Variants in PIEZO2 observed in about 807,000 individuals in gnomAD.
PIEZO2 encodes the protein piezo-type mechanosensitive ion channel component 2.
Under a neutral mutation model 337.3 loss-of-function variants are expected in PIEZO2, and 172 were observed. The observed-to-expected ratio is 0.51, with a 90% CI of 0.45 to 0.58. PIEZO2 has a LOEUF of 0.58. PIEZO2 is among the 20% of genes least tolerant of loss of function. PIEZO2 has a pLI of 0.00. For synonymous variants in PIEZO2, 1,251 were observed against 1,228.5 expected (o/e 1.02, Z -0.38); for missense variants, 3,028 against 3,391.3 (o/e 0.89, Z 2.66).
Position 10,689,706 on chromosome 18 carries a change from C to T in PIEZO2, c.7446G>A (p.Glu2482=), listed in dbSNP as rs2143607035. 1 of 1,614,230 alleles carries T rather than the reference C, an allele frequency of 6.2e-7. No individual in the cohort carries two copies. The highest frequency in any genetic ancestry group is 2.2e-5 in the East Asian group (1 of 44,892). ...GGATGAATATGTGAGCATAGATGTC[C>T]TCCACACAGATCCAGCTGGACAGGC... ...TLSLSSWICV[E]DIYAHIFILK... Residue 2482 remains glutamate, a synonymous_variant, in exon 49 of 56, where the codon GAG becomes GAA. Coordinates refer to ENST00000674853, the MANE Select transcript of PIEZO2 (RefSeq NM_001378183.1).
At chr18:11,085,141 G>A (rs1204236352) in intron 1 of PIEZO2, among the ~76,000 whole-genome samples, 1 of 152,162 alleles carries the variant, frequency 6.6e-6, no homozygotes, top group Non-Finnish European at 1.5e-5. Context: ...AGGACTCAGA[G>A]AGGATAAATA....
At chr18:10,675,075 G>A (rs187827025) in intron 54 of PIEZO2, 134 bp downstream of exon 54, 169 of 539,764 alleles carry the variant, frequency 3.1e-4, no homozygotes, top group Non-Finnish European at 4.9e-4. Context: ...GGCTGTCAGG[G>A]GTTTCATATA....
chr18:10,858,328 A>ACCCC lies in PIEZO2; in HGVS notation c.493-1118_493-1117insGGGG, dbSNP rs1344898862. 7.3e-3 allele frequency among the ~76,000 whole-genome samples: 980 copies of ACCCC among 134,206 alleles called. 18 individuals are homozygous for ACCCC. Among genetic ancestry groups the ACCCC allele is most frequent in the African/African-American group, 0.028 (925 of 33,124 alleles). 88.0% of individuals were successfully genotyped at this position (134,206 alleles called of 152,430 possible). A position where few individuals can be genotyped will look rare whatever the true frequency, so the allele number is the denominator to read the frequency against. On this transcript the variant is annotated intron_variant, in intron 5 of 55. Transcript: ENST00000674853. ...CAGAGCGAGACTTCAACCCAAAAAA[A>ACCCC]AAAAAAAAAAAAAAAAAAAGAAAAG...
At chr18:11,124,057 A>C (rs981524247) in intron 1 of PIEZO2, among the ~76,000 whole-genome samples, 2 of 152,254 alleles carry the variant, frequency 1.3e-5, no homozygotes, top group African/African-American at 4.8e-5. Context: ...TTACTTGTCA[A>C]TTAAAATAAA....
chr18:10,765,947 C>T (rs2038336152), intron 21 of PIEZO2, among the ~76,000 whole-genome samples: 1 of 152,054 alleles, frequency 6.6e-6, no homozygotes, highest in African/African-American at 2.4e-5. Context: ...GCTTCAATGA[C>T]AAGGAAAGGA....
intron 2 of PIEZO2, among the ~76,000 whole-genome samples, chr18:11,006,329 T>C (rs2035718272): frequency 1.3e-5 from 2 of 152,328 alleles, no homozygotes; most frequent in Admixed American, 6.5e-5. Context: ...CAGCATACAA[T>C]AAATATTGAT....
At chr18:10,907,390 C>G (rs1476673631) in intron 4 of PIEZO2, among the ~76,000 whole-genome samples, 2 of 151,570 alleles carry the variant, frequency 1.3e-5, no homozygotes, top group East Asian at 3.9e-4. Context: ...TTGCAGTGAG[C>G]TGAGATCACG....
chr18:10,726,733 C>G lies in PIEZO2; in HGVS notation c.5029+4674G>C, dbSNP rs138220224. ...CGGCATCCTGTGCATTCTGGGACAT[C>G]GCCAGACCATCGATTTCCCGCTGCT... is the stretch of plus-strand genomic sequence containing the variant. On this transcript the variant is annotated intron_variant, in intron 36 of 55. Transcript: ENST00000674853. This position sits in a 1 kb window ranked among gnomAD's most constrained non-coding sequence, Gnocchi z 5.9. The G allele has an allele frequency of 1.4e-6, 2 of 1,449,226 alleles. No individual in the cohort carries two copies. Among genetic ancestry groups the G allele is most frequent in the African/African-American group, 2.8e-5 (2 of 70,992 alleles). The allele number at this position is 1,449,226 out of a possible 1,614,324, so 89.8% of individuals were successfully genotyped here. A position where few individuals can be genotyped will look rare whatever the true frequency, so the allele number is the denominator to read the frequency against.
At chr18:10,791,488 T>C (rs1209575941) in intron 13 of PIEZO2, 164 bp from the exon 14 acceptor site, 3 of 680,224 alleles carry the variant, frequency 4.4e-6, no homozygotes, top group East Asian at 4.2e-5. Flanking sequence ...TGAGATTCAC[T>C]GCTTTTAAGT....
At position 10,859,750 on chromosome 18, in the gene PIEZO2, G is replaced by C. The variant is rs2041823841; in HGVS notation, c.493-2539C>G. ...CTTGAACCTACTCAAATCAGACTTT[G>C]ATCTTCAACCACTCCGTCTAATGAG... is the stretch of plus-strand genomic sequence containing the variant. On this transcript the variant is annotated intron_variant, in intron 5 of 55. Coordinates refer to ENST00000674853, the MANE Select transcript of PIEZO2 (RefSeq NM_001378183.1). This position sits in a 1 kb window ranked among gnomAD's most constrained non-coding sequence, Gnocchi z 4.9. 6.6e-6 allele frequency among the ~76,000 whole-genome samples: 1 copy of C among 152,158 alleles called. No homozygotes were observed. Among genetic ancestry groups the C allele is most frequent in the African/African-American group, 2.4e-5 (1 of 41,424 alleles).
rs2040812698 is a variant in PIEZO2, at chr18:11,146,387, G to A, written c.64+2138C>T. On this transcript the variant is annotated intron_variant, in intron 1 of 55. Transcript: ENST00000674853. This position sits in a 1 kb window ranked among gnomAD's most constrained non-coding sequence, Gnocchi z 6.1. ...ACAGTGTGCGGGCACCACAGAAGAA[G>A]CTCGGTGGGGGTCCCAGTGGTGAGA... 6.6e-6 allele frequency among the ~76,000 whole-genome samples: 1 copy of A among 152,140 alleles called. No individual in the cohort carries two copies. Among genetic ancestry groups the A allele is most frequent in the Non-Finnish European group, 1.5e-5 (1 of 68,028 alleles).
At chr18:10,919,854 G>A (rs968430661) in intron 3 of PIEZO2, among the ~76,000 whole-genome samples, 1 of 151,068 alleles carries the variant, frequency 6.6e-6, no homozygotes, top group South Asian at 2.1e-4. Flanking sequence ...GGAAAGTAGA[G>A]ACACACACAC....
intron 3 of PIEZO2, among the ~76,000 whole-genome samples, chr18:10,914,798 G>A (rs2030799841): frequency 1.3e-5 from 2 of 152,118 alleles, no homozygotes; most frequent in African/African-American, 4.8e-5. Context: ...TTGAAATGCA[G>A]AGCGGAAGAT....
At chr18:10,820,825 T>G (rs991287616) in intron 7 of PIEZO2, among the ~76,000 whole-genome samples, 1 of 152,194 alleles carries the variant, frequency 6.6e-6, no homozygotes, top group African/African-American at 2.4e-5. Context: ...TAGGTTTTGT[T>G]GTGATGGGCC....
chr18:10,760,998 A>G lies in PIEZO2; in HGVS notation c.3363T>C (p.His1121=), dbSNP rs1403671450. Reference sequence around the variant, plus strand: ...CATCTAGATGTAGTCTTGTAATGTCATGAAAGATAGTTCTAGACACAGGGG... The same window carrying G: ...CATCTAGATGTAGTCTTGTAATGTCGTGAAAGATAGTTCTAGACACAGGGG... ...LTAPVSRTIF[H]DITRLHLDDG... Residue 1121 remains histidine, a synonymous_variant, in exon 24 of 56, where the codon CAT becomes CAC. Coordinates refer to ENST00000674853, the MANE Select transcript of PIEZO2 (RefSeq NM_001378183.1). 6.5e-7 allele frequency: 1 copy of G among 1,533,498 alleles called. No homozygotes were observed. The highest frequency in any genetic ancestry group is 8.7e-7 in the Non-Finnish European group (1 of 1,143,602). The allele number at this position is 1,533,498 out of a possible 1,614,324, so 95.0% of individuals were successfully genotyped here. A position where few individuals can be genotyped will look rare whatever the true frequency, so the allele number is the denominator to read the frequency against.
At position 10,726,860 on chromosome 18, in the gene PIEZO2, G is replaced by A; in HGVS notation, c.5029+4547C>T. On this transcript the variant is annotated intron_variant, in intron 36 of 55. Transcript: ENST00000674853. This position sits in a 1 kb window ranked among gnomAD's most constrained non-coding sequence, Gnocchi z 5.9. ...CCCCACCTTATGCAGGACTTGGCACGCTACCGGCAGCAGCTGAAGCACATC... is the reference window on the plus strand; with the variant it reads ...CCCCACCTTATGCAGGACTTGGCACACTACCGGCAGCAGCTGAAGCACATC... 4 of 1,595,990 alleles carry A rather than the reference G, an allele frequency of 2.5e-6. No homozygotes were observed. Among genetic ancestry groups the A allele is most frequent in the African/African-American group, 1.3e-5 (1 of 74,372 alleles).
chr18:10,823,375 T>C (rs1027115987), intron 7 of PIEZO2, among the ~76,000 whole-genome samples: 2 of 152,092 alleles, frequency 1.3e-5, no homozygotes, highest in East Asian at 3.9e-4. Flanking sequence ...TTCACAACTA[T>C]GATGACTTAA....
chr18:10,852,862 G>A (rs1433684039), intron 7 of PIEZO2, among the ~76,000 whole-genome samples: 1 of 152,094 alleles, frequency 6.6e-6, no homozygotes, highest in East Asian at 1.9e-4. Context: ...CCCACCAACC[G>A]GGAACGTCAG....
rs574981665 is a variant in PIEZO2, at chr18:10,706,207, A to G, written c.5589-461T>C. 1.5e-3 allele frequency among the ~76,000 whole-genome samples: 226 copies of G among 152,210 alleles called. 3 individuals are homozygous for G. Among genetic ancestry groups the G allele is most frequent in the African/African-American group, 5.2e-3 (216 of 41,516 alleles). On this transcript the variant is annotated intron_variant, in intron 40 of 55. Transcript: ENST00000674853. ...TTCTACCCTCCATCCTACACAACAG[A>G]CCCACCCAGACCATAAGGGGGGAAT...
Sources: allele counts gnomAD v4.1 joint callset (sites outside exome capture counted in the v4.1 genomes callset), GRCh38; gene constraint gnomAD v4.1.1; non-coding constraint Gnocchi (gnomAD v3.1); transcripts MANE v1.5; gene names NCBI Gene and HGNC (gene_info 2026-07-23, HGNC 2026-07-21).